LRRN2: variants seen among roughly 807,000 people sequenced by gnomAD.
The protein encoded by LRRN2 is leucine-rich repeat neuronal protein 2.
LRRN2 carries 10 observed loss-of-function variants against 35.7 expected under a neutral mutation model. The observed-to-expected ratio is 0.28, with a 90% CI of 0.17 to 0.47. LRRN2 has a LOEUF of 0.47. LRRN2 is among the 20% of genes least tolerant of loss of function. The probability of loss-of-function intolerance (pLI) is 0.99; values close to 1 mark genes in which losing one functional copy is unlikely to be tolerated. For missense variants in LRRN2, 731 were observed against 940.3 expected (o/e 0.78, Z 2.91); for synonymous variants, 391 against 409.6 (o/e 0.95, Z 0.55).
chr1:204,643,459 A>T (rs1317220263), intron 1 of LRRN2, among the ~76,000 whole-genome samples: 1 of 152,160 alleles, frequency 6.6e-6, no homozygotes, highest in East Asian at 1.9e-4. Context: ...GGTTCTGAAG[A>T]TGGTGGGTTG....
At chr1:204,650,256 G>A (rs1251588135) in intron 1 of LRRN2, among the ~76,000 whole-genome samples, 1 of 152,230 alleles carries the variant, frequency 6.6e-6, no homozygotes, top group African/African-American at 2.4e-5. Flanking sequence ...GGAGTGAGAT[G>A]ACAATTCCAA....
At position 204,685,502 on chromosome 1, in the gene LRRN2, G is replaced by A. The variant is rs1395141526; in HGVS notation, c.-409C>T. ...TGGAGTTATCCTGGGAGCGGCTCCA[G>A]GGCCCAGCCGGTGAGGGCGATGGCA... is the stretch of plus-strand genomic sequence containing the variant. On this transcript the variant is annotated 5_prime_UTR_variant, in exon 1 of 2. Transcript: ENST00000367177. 6.6e-6 allele frequency: 1 copy of A among 151,720 alleles called. No homozygotes were observed. Among genetic ancestry groups the A allele is most frequent in the Non-Finnish European group, 1.5e-5 (1 of 67,898 alleles). The allele number at this position is 151,720 out of a possible 1,614,324, so 9.4% of individuals were successfully genotyped here. A position where few individuals can be genotyped will look rare whatever the true frequency, so the allele number is the denominator to read the frequency against.
chr1:204,651,251 C>T (rs1168760491), intron 1 of LRRN2, among the ~76,000 whole-genome samples: 1 of 152,296 alleles, frequency 6.6e-6, no homozygotes, highest in Non-Finnish European at 1.5e-5. Flanking sequence ...AGCTCAGGAG[C>T]GGATCTCCTA....
At position 204,668,866 on chromosome 1, in the gene LRRN2, C is replaced by T. The variant is rs372034708; in HGVS notation, c.-227+16454G>A. ...TGAGACAGGGTCTCACTCTGTTGCA[C>T]AGGCTAGAGTGCAGTGGTGCTACCC... is the stretch of plus-strand genomic sequence containing the variant. On this transcript the variant is annotated intron_variant, in intron 1 of 1. Coordinates refer to ENST00000367177, the MANE Select transcript of LRRN2 (RefSeq NM_201630.2). Among the ~76,000 whole-genome samples the T allele has an allele frequency of 5.3e-5, 8 of 152,248 alleles. No homozygotes were observed. In the South Asian group the frequency reaches 6.2e-4, roughly 12 times the overall value.
At chr1:204,620,341 T>TC in intron 1 of LRRN2, 123 bp from the exon 2 acceptor site, 7 of 477,452 alleles carry the variant, frequency 1.5e-5, no homozygotes, top group Non-Finnish European at 2.3e-5. Context: ...AGCGGTGCAC[T>TC]CAGCTGACTG....
intron 1 of LRRN2, among the ~76,000 whole-genome samples, chr1:204,630,114 C>T (rs1010470891): frequency 3.3e-5 from 5 of 152,186 alleles, no homozygotes; most frequent in African/African-American, 1.2e-4. Flanking sequence ...TAAAAATCCA[C>T]ATCAAATACA....
At chr1:204,651,906 C>T (rs981866044) in intron 1 of LRRN2, among the ~76,000 whole-genome samples, 6 of 152,186 alleles carry the variant, frequency 3.9e-5, no homozygotes, top group Non-Finnish European at 5.9e-5. Context: ...TGCCCTGCCC[C>T]GAGGCTGCTT....
intron 1 of LRRN2, among the ~76,000 whole-genome samples, chr1:204,680,297 G>A (rs1271302020): frequency 2.0e-5 from 3 of 152,230 alleles, no homozygotes; most frequent in African/African-American, 7.2e-5. Flanking sequence ...ATCATAATTA[G>A]TGTTGTTACC....
Position 204,619,984 on chromosome 1 carries a change from A to C in LRRN2, c.9T>G (p.Leu3=). The C allele has an allele frequency of 6.2e-6, 10 of 1,609,108 alleles. No individual in the cohort carries two copies. Among genetic ancestry groups the C allele is most frequent in the Non-Finnish European group, 8.5e-6 (10 of 1,178,324 alleles). ...AAGCTAGCAAGAGTGGGGCCACGAG[A>C]AGCCTCATGGTGGAGCTGCAGGGCA... MR[L]LVAPLLLAWV... is the part of the protein sequence containing the mutation. The change falls in exon 2 of 2, where the codon CTT becomes CTG. Residue 3 remains leucine, a synonymous_variant. Transcript: ENST00000367177.
intron 1 of LRRN2, among the ~76,000 whole-genome samples, chr1:204,657,688 A>T (rs904224545): frequency 8.5e-5 from 13 of 152,160 alleles, no homozygotes; most frequent in Non-Finnish European, 1.6e-4. Flanking sequence ...GTGAATATAT[A>T]AAAAACTACC....
At chr1:204,625,648 G>A (rs1021230142) in intron 1 of LRRN2, among the ~76,000 whole-genome samples, 15 of 152,222 alleles carry the variant, frequency 9.9e-5, no homozygotes, top group Admixed American at 2.6e-4. Flanking sequence ...CCACGGTCCC[G>A]ACTTCTATCG....
chr1:204,619,170 G>A lies in LRRN2; in HGVS notation c.823C>T (p.Arg275Trp), dbSNP rs755258611. 1.2e-5 allele frequency: 19 copies of A among 1,613,954 alleles called. No homozygotes were observed. The highest frequency in any genetic ancestry group is 3.3e-5 in the South Asian group (3 of 91,090). ...TTGGCAAAGTCCCCCGGCCCTACCC[G>A]CTGGAGCGGGTTCTTGTTGAGGTCT... is the stretch of plus-strand genomic sequence containing the variant. ...FLDLNKNPLQRVGPGDFANML... is the reference protein window; with the variant it reads ...FLDLNKNPLQWVGPGDFANML... Residue 275 changes from arginine to tryptophan, a missense_variant, in exon 2 of 2, where the codon CGG (arginine) becomes TGG (tryptophan). This residue lies in a region of LRRN2 where 256 missense variants were observed against 392.4 expected (regional missense o/e 0.65). Transcript: ENST00000367177.
At chr1:204,679,177 G>C (rs1210707439) in intron 1 of LRRN2, among the ~76,000 whole-genome samples, 1 of 152,176 alleles carries the variant, frequency 6.6e-6, no homozygotes, top group Non-Finnish European at 1.5e-5. Flanking sequence ...GAAGCTGTCT[G>C]AGCCCCAGCA....
intron 1 of LRRN2, among the ~76,000 whole-genome samples, chr1:204,684,937 G>A (rs1045377684): frequency 1.3e-5 from 2 of 152,172 alleles, no homozygotes; most frequent in Non-Finnish European, 2.9e-5. Flanking sequence ...CCACCTCTCG[G>A]CTCCTCCACA....
In LRRN2 at chr1:204,619,008, G is replaced by C; in HGVS notation, c.985C>G (p.Arg329Gly). The change falls in exon 2 of 2, where the codon CGC becomes GGC. Residue 329 changes from arginine to glycine, a missense_variant. By Grantham distance (125) the Arg-to-Gly change is moderately radical. Around this residue, in one of 3 missense-constraint regions of LRRN2, gnomAD observed 256 missense variants for 392.4 expected, o/e 0.65. Coordinates refer to ENST00000367177, the MANE Select transcript of LRRN2 (RefSeq NM_201630.2). ...ATCTGGGGCAGGTGGTGGAAGGCGC[G>C]GGGGTGGATGAAGGACAGCCGTGGG... The part of the protein sequence containing the change: ...NNPRLSFIHP[R>G]AFHHLPQMET... 2 of 1,611,210 alleles carry C rather than the reference G, an allele frequency of 1.2e-6. No individual in the cohort carries two copies. The highest frequency in any genetic ancestry group is 2.2e-5 in the East Asian group (1 of 44,816).
intron 1 of LRRN2, among the ~76,000 whole-genome samples, chr1:204,639,148 A>T (rs925460849): frequency 6.6e-6 from 1 of 152,336 alleles, no homozygotes; most frequent in South Asian, 2.1e-4. Flanking sequence ...GAGAGAACCC[A>T]GGCTTAGCAG....
intron 1 of LRRN2, among the ~76,000 whole-genome samples, chr1:204,674,398 C>T (rs1382921574): frequency 6.6e-6 from 1 of 152,056 alleles, no homozygotes; most frequent in Non-Finnish European, 1.5e-5. Flanking sequence ...ACCAGAACGG[C>T]AAATGTGAGG....
At chr1:204,625,124 A>G (rs1201467737) in intron 1 of LRRN2, among the ~76,000 whole-genome samples, 1 of 152,206 alleles carries the variant, frequency 6.6e-6, no homozygotes, top group Non-Finnish European at 1.5e-5. Context: ...AATTCCATAA[A>G]TAACTTATGT....
chr1:204,651,347 A>G (rs1303104513), intron 1 of LRRN2, among the ~76,000 whole-genome samples: 1 of 152,206 alleles, frequency 6.6e-6, no homozygotes, highest in Non-Finnish European at 1.5e-5. Flanking sequence ...GAGCCAACCC[A>G]GACAGACTTC....
Sources: gnomAD v4.1 joint callset for allele counts (sites outside exome capture counted in the v4.1 genomes callset) on GRCh38, gnomAD v4.1.1 for gene constraint, gnomAD v4.1.1 regional missense constraint, MANE v1.5 for transcripts, NCBI Gene and HGNC (gene_info 2026-07-23, HGNC 2026-07-21) for gene names.